SNW1: variants seen among roughly 807,000 people sequenced by gnomAD.
SNW1 encodes SNW domain containing 1.
Under a neutral mutation model 75.6 loss-of-function variants are expected in SNW1, and 9 were observed. The observed-to-expected ratio is 0.12, with a 90% CI of 0.07 to 0.21. The LOEUF (loss-of-function observed/expected upper bound fraction) is 0.21. Among genes scored for constraint, SNW1 ranks in the 10% least tolerant of loss-of-function variants. SNW1 has a pLI of 1.00. For synonymous variants in SNW1, 200 were observed against 219.1 expected, an observed-to-expected ratio of 0.91 and a Z score of 0.77; for missense variants, 409 against 670.9, an observed-to-expected ratio of 0.61 and a Z score of 4.31.
intron 11 of SNW1, chr14:77,722,841 T>TC (rs1188169586): frequency 5.2e-5 from 17 of 326,310 alleles, no homozygotes; most frequent in Non-Finnish European, 9.1e-5. Context: ...TACATATCTT[T>TC]TTTTTTTTTT....
rs10131384 is a variant in SNW1, at chr14:77,731,566, T to C, written c.892-437A>G. Among the ~76,000 whole-genome samples the C allele has an allele frequency of 5.5e-3, 836 of 152,290 alleles. 9 individuals are homozygous for C. Among genetic ancestry groups the C allele is most frequent in the African/African-American group, 0.019 (794 of 41,554 alleles). On this transcript the variant is annotated intron_variant, in intron 9 of 13. Coordinates refer to ENST00000261531, the MANE Select transcript of SNW1 (RefSeq NM_012245.3). Reference sequence around the variant, plus strand: ...AAAAAAATAACATTTTCAAAATTAATAACACTTTCAAAGTTAATCAAGTCA... The same window carrying C: ...AAAAAAATAACATTTTCAAAATTAACAACACTTTCAAAGTTAATCAAGTCA...
Position 77,749,693 on chromosome 14 carries a change from A to G in SNW1, c.330+1626T>C, listed in dbSNP as rs1275151280. Reference sequence around the variant, plus strand: ...GACATACGATGATCGCCTGAGCCCAAGAGTTCAAGGTTGCAATGAATTATG... The same window carrying G: ...GACATACGATGATCGCCTGAGCCCAGGAGTTCAAGGTTGCAATGAATTATG... On this transcript the variant is annotated intron_variant, in intron 3 of 13. Transcript: ENST00000261531. 2.6e-5 allele frequency among the ~76,000 whole-genome samples: 4 copies of G among 152,314 alleles called. No individual in the cohort carries two copies. In the East Asian group the frequency reaches 7.7e-4, roughly 29 times the overall value.
chr14:77,722,383 C>A, intron 11 of SNW1: 1 of 359,556 alleles, frequency 2.8e-6, no homozygotes, highest in South Asian at 2.1e-5. Context: ...AGTTAAACTA[C>A]TCCTAAAAAT....
At position 77,718,418 on chromosome 14, in the gene SNW1, A is replaced by C; in HGVS notation, c.1361T>G (p.Leu454Arg). 1.2e-6 allele frequency: 2 copies of C among 1,614,154 alleles called. No individual in the cohort carries two copies. Among genetic ancestry groups the C allele is most frequent in the Non-Finnish European group, 1.7e-6 (2 of 1,180,000 alleles). ...GTCATCACCATACATGTCCTTGTCCAGATTTTTACTGGGCCTATAAATACT... is the reference window on the plus strand; with the variant it reads ...GTCATCACCATACATGTCCTTGTCCCGATTTTTACTGGGCCTATAAATACT... ...AQSIYRPSKN[L>R]DKDMYGDDLE... Residue 454 changes from leucine (L) to arginine (R), a missense_variant, in exon 13 of 14, where the codon CTG (leucine) becomes CGG (arginine). By Grantham distance (102) the Leu-to-Arg change is moderately radical. Transcript: ENST00000261531.
intron 1 of SNW1, chr14:77,760,794 G>T: frequency 1.4e-6 from 1 of 708,408 alleles, no homozygotes; most frequent in Non-Finnish European, 2.6e-6. Context: ...CATCTCGTTC[G>T]CCCGAGCCGC....
rs187331003 is a variant in SNW1 at position 77,755,443 on chromosome 14, G to A, written c.15-323C>T. ...CATATTTCCTTTTTTTTTTGAGAAA[G>A]AGTCTCACTCTGTTGCCCAGGCTGG... On this transcript the variant is annotated intron_variant, in intron 1 of 13. Transcript: ENST00000261531. Among the ~76,000 whole-genome samples, 384 of 151,392 alleles carry A rather than the reference G, an allele frequency of 2.5e-3. 2 individuals carry two copies. The highest frequency in any genetic ancestry group is 4.3e-3 in the Non-Finnish European group (291 of 67,888).
Position 77,718,440 on chromosome 14 carries a change from T to G in SNW1, c.1339A>C (p.Ile447Leu). The G allele has an allele frequency of 6.2e-7, 1 of 1,613,862 alleles. No individual in the cohort carries two copies. Among genetic ancestry groups the G allele is most frequent in the Non-Finnish European group, 8.5e-7 (1 of 1,179,732 alleles). The change falls in exon 13 of 14, where the codon ATT (isoleucine) becomes CTT (leucine). Residue 447 changes from isoleucine to leucine, a missense_variant. Physicochemically the swap from Ile to Leu is conservative, Grantham distance 5. Around this residue, in one of 9 missense-constraint regions of SNW1, gnomAD observed 126 missense variants for 167.6 expected, o/e 0.75. Transcript: ENST00000261531. ...WRGGKDMAQSIYRPSKNLDKD... is the reference protein window; with the variant it reads ...WRGGKDMAQSLYRPSKNLDKD... ...TCCAGATTTTTACTGGGCCTATAAA[T>G]ACTCTGGGCCATATCTTTACCACCT...
chr14:77,734,701 G>A (rs191213395), intron 8 of SNW1, among the ~76,000 whole-genome samples: 71 of 151,886 alleles, frequency 4.7e-4, no homozygotes, highest in African/African-American at 1.5e-3. Flanking sequence ...TCATGCCACC[G>A]TACTCCAGCC....
chr14:77,734,739 A>T (rs2080656873), intron 8 of SNW1, among the ~76,000 whole-genome samples: 1 of 151,144 alleles, frequency 6.6e-6, no homozygotes, highest in Non-Finnish European at 1.5e-5. Context: ...TCCGTCTCAA[A>T]AAAAAAAAAG....
At chr14:77,756,569 G>A (rs1194205375) in intron 1 of SNW1, among the ~76,000 whole-genome samples, 1 of 152,172 alleles carries the variant, frequency 6.6e-6, no homozygotes, top group African/African-American at 2.4e-5. Flanking sequence ...AGTGTCAAGG[G>A]TATCTACAAT....
intron 1 of SNW1, among the ~76,000 whole-genome samples, chr14:77,756,756 G>A (rs945528261): frequency 6.6e-6 from 1 of 152,112 alleles, no homozygotes; most frequent in African/African-American, 2.4e-5. Flanking sequence ...GCTGGTGTGC[G>A]CCTGTAATCC....
At chr14:77,759,226 C>G (rs7151685) in intron 1 of SNW1, among the ~76,000 whole-genome samples, 1 of 152,034 alleles carries the variant, frequency 6.6e-6, no homozygotes, top group Non-Finnish European at 1.5e-5. Context: ...CCATGACAGG[C>G]CAGATGATGT....
chr14:77,739,811 A>G (rs2080702530), intron 3 of SNW1, among the ~76,000 whole-genome samples: 1 of 152,004 alleles, frequency 6.6e-6, no homozygotes, highest in South Asian at 2.1e-4. Context: ...TTTTCATAAC[A>G]ATTTACATGG....
chr14:77,735,642 G>T (rs948872919), intron 7 of SNW1, among the ~76,000 whole-genome samples: 1 of 151,952 alleles, frequency 6.6e-6, no homozygotes, highest in Non-Finnish European at 1.5e-5. Flanking sequence ...ATCTTAAAAA[G>T]TCAAATTACC....
intron 10 of SNW1, among the ~76,000 whole-genome samples, chr14:77,723,549 T>A (rs562627205): frequency 1.3e-4 from 19 of 151,708 alleles, no homozygotes; most frequent in African/African-American, 4.1e-4. Flanking sequence ...GGGGTCCCAC[T>A]TATGTTGTCG....
intron 10 of SNW1, among the ~76,000 whole-genome samples, chr14:77,725,208 G>A (rs1207696141): frequency 2.6e-5 from 4 of 152,124 alleles, no homozygotes; most frequent in Non-Finnish European, 5.9e-5. Context: ...GTTTCTTTGC[G>A]ATTGAGTTCT....
intron 3 of SNW1, among the ~76,000 whole-genome samples, chr14:77,743,764 C>T (rs909059694): frequency 7.2e-5 from 11 of 152,072 alleles, no homozygotes; most frequent in African/African-American, 1.9e-4. Context: ...AGGATGGGGA[C>T]GCTACTGGGA....
intron 9 of SNW1, 29 bp downstream of exon 9, chr14:77,732,456 G>A (rs1189935856): frequency 8.6e-7 from 1 of 1,161,934 alleles, no homozygotes; most frequent in Non-Finnish European, 1.3e-6. Context: ...AAAGTAACAA[G>A]AGCATTAAAC....
chr14:77,720,223 C>G (rs1436269580), intron 12 of SNW1, among the ~76,000 whole-genome samples: 3 of 47,732 alleles, frequency 6.3e-5, no homozygotes, highest in African/African-American at 3.1e-4. Context: ...GTGGCACAAT[C>G]TTGGCTCACC....
Sources: allele counts gnomAD v4.1 joint callset (sites outside exome capture counted in the v4.1 genomes callset), GRCh38; gene constraint gnomAD v4.1.1; regional missense constraint gnomAD v4.1.1; transcripts MANE v1.5; gene names NCBI Gene and HGNC (gene_info 2026-07-23, HGNC 2026-07-21).